Variants in LRRIQ3 observed in about 807,000 individuals in gnomAD.
The protein encoded by LRRIQ3 is leucine rich repeats and IQ motif containing 3, also known as leucine-rich repeat and IQ domain-containing protein 3.
LRRIQ3 carries 75 observed loss-of-function variants against 59.3 expected under a neutral mutation model. The ratio of observed to expected loss-of-function variants is 1.26; its 90% CI spans 1.05 to 1.53. The LOEUF (loss-of-function observed/expected upper bound fraction) is 1.53. LRRIQ3 is among the 40% of genes most tolerant of loss of function. The probability of loss-of-function intolerance (pLI) is 0.00; values close to 1 mark genes in which losing one functional copy is unlikely to be tolerated. For synonymous variants in LRRIQ3, 250 were observed against 231.3 expected (o/e 1.08, Z -0.73); for missense variants, 831 against 710.0 (o/e 1.17, Z -1.94).
At chr1:74,087,207 C>T (rs1437179073) in intron 5 of LRRIQ3, among the ~76,000 whole-genome samples, 1 of 151,720 alleles carries the variant, frequency 6.6e-6, no homozygotes, top group African/African-American at 2.4e-5. Flanking sequence ...TCATTAACAG[C>T]CCTATCCACT....
chr1:74,093,769 AAAG>A, intron 5 of LRRIQ3, among the ~76,000 whole-genome samples: 1 of 152,216 alleles, frequency 6.6e-6, no homozygotes, highest in Admixed American at 6.6e-5. Flanking sequence ...AGGAAGGCAG[AAAG>A]AAGAGACAAA....
intron 6 of LRRIQ3, among the ~76,000 whole-genome samples, chr1:74,056,802 C>G (rs911629101): frequency 1.3e-5 from 2 of 152,064 alleles, no homozygotes; most frequent in Admixed American, 6.6e-5. Flanking sequence ...ATATGTGTCC[C>G]CAACCAAGTC....
chr1:74,178,872 T>C (rs999217469), intron 3 of LRRIQ3, among the ~76,000 whole-genome samples: 1 of 152,120 alleles, frequency 6.6e-6, no homozygotes, highest in Admixed American at 6.6e-5. Context: ...AATCCCTTTT[T>C]TCTGCCCTAA....
intron 6 of LRRIQ3, among the ~76,000 whole-genome samples, chr1:74,061,952 T>C (rs1258576662): frequency 6.6e-6 from 1 of 152,128 alleles, no homozygotes; most frequent in African/African-American, 2.4e-5. Context: ...CAGGATTCCT[T>C]GAGCCTGGGA....
intron 4 of LRRIQ3, among the ~76,000 whole-genome samples, chr1:74,155,228 T>C (rs1307205437): frequency 6.6e-6 from 1 of 152,210 alleles, no homozygotes; most frequent in Non-Finnish European, 1.5e-5. Flanking sequence ...TACTATAAAT[T>C]GATGACAGAG....
intron 1 of LRRIQ3, among the ~76,000 whole-genome samples, chr1:74,190,697 AC>A (rs1318785952): frequency 1.7e-4 from 26 of 152,156 alleles, no homozygotes; most frequent in African/African-American, 4.3e-4. Context: ...TAAAAAAAAA[AC>A]AACCTCACAC....
At chr1:74,050,498 A>T in intron 6 of LRRIQ3, 1 of 985,040 alleles carries the variant, frequency 1.0e-6, no homozygotes, top group Non-Finnish European at 1.2e-6. Context: ...TCAGAGCAAC[A>T]CAGAAGCCAA....
intron 6 of LRRIQ3, among the ~76,000 whole-genome samples, chr1:74,059,051 G>A (rs1654623345): frequency 6.6e-6 from 1 of 151,868 alleles, no homozygotes; most frequent in Admixed American, 6.6e-5. Context: ...TATTGCCCTG[G>A]TGGCCAAAGA....
intron 4 of LRRIQ3, among the ~76,000 whole-genome samples, chr1:74,124,996 T>C (rs898213631): frequency 6.6e-6 from 1 of 150,748 alleles, no homozygotes; most frequent in African/African-American, 2.5e-5. Context: ...CAGGAACATA[T>C]GTATTTCCAT....
intron 7 of LRRIQ3, among the ~76,000 whole-genome samples, chr1:74,038,661 C>A (rs1223142975): frequency 2.0e-5 from 3 of 152,190 alleles, no homozygotes; most frequent in African/African-American, 7.2e-5. Context: ...TCTCCAGGCA[C>A]AGGAGTGAAC....
At chr1:74,106,917 T>A (rs1205061146) in intron 5 of LRRIQ3, among the ~76,000 whole-genome samples, 1 of 151,980 alleles carries the variant, frequency 6.6e-6, no homozygotes, top group East Asian at 1.9e-4. Flanking sequence ...CATGGAAAAG[T>A]AATGTCCCTA....
intron 7 of LRRIQ3, among the ~76,000 whole-genome samples, chr1:74,029,212 C>A (rs1011655871): frequency 2.0e-5 from 3 of 152,046 alleles, no homozygotes; most frequent in Admixed American, 1.3e-4. Flanking sequence ...TTATTTCTTT[C>A]TCCTGCCTGC....
intron 5 of LRRIQ3, among the ~76,000 whole-genome samples, chr1:74,085,608 C>A (rs1646319584): frequency 6.6e-6 from 1 of 151,732 alleles, no homozygotes; most frequent in Non-Finnish European, 1.5e-5. Flanking sequence ...TAAAGAGGTA[C>A]AATCTTGGAA....
chr1:74,055,363 T>A (rs1654501634), intron 6 of LRRIQ3, among the ~76,000 whole-genome samples: 1 of 151,952 alleles, frequency 6.6e-6, no homozygotes, highest in Non-Finnish European at 1.5e-5. Context: ...TGTTCCCCCC[T>A]CTCTTCTGCC....
At chr1:74,076,866 C>T (rs1368457088) in intron 5 of LRRIQ3, among the ~76,000 whole-genome samples, 1 of 152,032 alleles carries the variant, frequency 6.6e-6, no homozygotes, top group Non-Finnish European at 1.5e-5. Context: ...TTACACAAGA[C>T]AATTTCTATT....
Position 74,104,053 on chromosome 1 carries a change from A to G in LRRIQ3, c.867+5341T>C, listed in dbSNP as rs1359609823. ...TGACAAATTATCTCATCTTTCTAAT[A>G]GTAAAAGGAAAATTACATCTCACCA... On this transcript the variant is annotated intron_variant, in intron 5 of 7. Transcript: ENST00000354431. Among the ~76,000 whole-genome samples the G allele has an allele frequency of 2.1e-4, 32 of 151,994 alleles. 1 individual carries two copies. The highest frequency in any genetic ancestry group is 2.1e-3 in the Admixed American group (32 of 15,204).
intron 6 of LRRIQ3, among the ~76,000 whole-genome samples, chr1:74,062,264 A>T (rs1448670101): frequency 1.3e-5 from 2 of 152,180 alleles, no homozygotes; most frequent in Non-Finnish European, 2.9e-5. Flanking sequence ...GACACTTTTC[A>T]AAAGAAGATA....
chr1:74,093,310 AGGAGATTTTTCC>A (rs1646413600), intron 5 of LRRIQ3, among the ~76,000 whole-genome samples: 1 of 152,068 alleles, frequency 6.6e-6, no homozygotes, highest in South Asian at 2.1e-4. Context: ...GGGAAAATAT[AGGAGATTTTTCC>A]AGATGTGTTT....
intron 4 of LRRIQ3, among the ~76,000 whole-genome samples, chr1:74,144,810 T>C (rs909554710): frequency 6.6e-6 from 1 of 151,842 alleles, no homozygotes; most frequent in Non-Finnish European, 1.5e-5. Flanking sequence ...CTTATATCTA[T>C]ATTTTATCCT....
Sources: gnomAD v4.1 joint callset for allele counts (sites outside exome capture counted in the v4.1 genomes callset) on GRCh38, gnomAD v4.1.1 for gene constraint, MANE v1.5 for transcripts, NCBI Gene and HGNC (gene_info 2026-07-23, HGNC 2026-07-21) for gene names.